Variants in ALK observed in about 807,000 individuals in gnomAD.
The protein encoded by ALK is ALK receptor tyrosine kinase.
Under a neutral mutation model 163.1 loss-of-function variants are expected in ALK, and 74 were observed. The ratio of observed to expected loss-of-function variants is 0.45; its 90% confidence interval spans 0.38 to 0.55. The LOEUF (loss-of-function observed/expected upper bound fraction) is 0.55. ALK is among the 20% of genes least tolerant of loss of function. The probability of loss-of-function intolerance (pLI) is 0.00; values close to 1 mark genes in which losing one functional copy is unlikely to be tolerated. For missense variants in ALK, 2,063 were observed against 2,105.3 expected (o/e 0.98, Z 0.39); for synonymous variants, 960 against 843.2 (o/e 1.14, Z -2.40).
At chr2:29,628,809 T>C (rs1194660189) in intron 3 of ALK, among the ~76,000 whole-genome samples, 2 of 152,246 alleles carry the variant, frequency 1.3e-5, no homozygotes, top group Middle Eastern at 3.4e-3. Flanking sequence ...TATTCAAAGA[T>C]AGACAACTCT....
Position 29,920,802 on chromosome 2 carries a change from G to T in ALK, c.-143C>A, listed in dbSNP as rs1234027838. ...TCCAGAGGACTGTGCGTGCGCGCAA[G>T]TCTCTTGCTTTCCCCCAACTGCACG... On this transcript the variant is annotated 5_prime_UTR_variant, in exon 1 of 29. Transcript: ENST00000389048. 29 of 738,378 alleles carry T rather than the reference G, an allele frequency of 3.9e-5. No homozygotes were observed. Among genetic ancestry groups the T allele is most frequent in the Non-Finnish European group, 5.0e-5 (23 of 458,530 alleles). 45.7% of individuals were successfully genotyped at this position (738,378 alleles called of 1,614,324 possible). A position where few individuals can be genotyped will look rare whatever the true frequency, so the allele number is the denominator to read the frequency against.
intron 1 of ALK, among the ~76,000 whole-genome samples, chr2:29,794,772 A>G (rs537859960): frequency 2.6e-5 from 4 of 152,302 alleles, no homozygotes; most frequent in East Asian, 1.9e-4. Flanking sequence ...TGGCATCCCA[A>G]TGCAATTAGA....
intron 1 of ALK, among the ~76,000 whole-genome samples, chr2:29,822,137 TC>T (rs1665064937): frequency 6.6e-6 from 1 of 152,166 alleles, no homozygotes; most frequent in Non-Finnish European, 1.5e-5. Flanking sequence ...TAAAATCAGC[TC>T]CCAAGTCCCA....
chr2:29,318,457 C>G (rs2148248451), intron 7 of ALK, 53 bp from the exon 8 acceptor site: 1 of 1,259,518 alleles, frequency 7.9e-7, no homozygotes, highest in South Asian at 1.2e-5. Context: ...ACTGGGGGAC[C>G]AGGGGTGCAG....
intron 4 of ALK, among the ~76,000 whole-genome samples, chr2:29,389,212 A>G (rs760474529): frequency 6.0e-4 from 91 of 152,352 alleles, no homozygotes; most frequent in Admixed American, 1.0e-3. Flanking sequence ...GAATAAACAT[A>G]GGTACCAAGA....
chr2:29,696,858 T>A (rs1171201087), intron 2 of ALK, among the ~76,000 whole-genome samples: 1 of 151,358 alleles, frequency 6.6e-6, no homozygotes, highest in Non-Finnish European at 1.5e-5. Context: ...GGAGAAGCTG[T>A]CTTTAGAGCA....
intron 3 of ALK, among the ~76,000 whole-genome samples, chr2:29,601,916 A>AGAGAGCCCCAGGCATGCCTCTGAG (rs1468028848): frequency 1.1e-4 from 17 of 152,178 alleles, no homozygotes; most frequent in African/African-American, 3.4e-4. Context: ...GGACAGAGAT[A>AGAGAGCCCCAGGCATGCCTCTGAG]GAGAGCCCCA....
chr2:29,209,694 G>C (rs1045653377), intron 25 of ALK, 92 bp downstream of exon 25: 22 of 894,986 alleles, frequency 2.5e-5, no homozygotes, highest in Non-Finnish European at 3.8e-5. Context: ...AGGGTACCAG[G>C]AGATGATGTA....
Position 29,633,252 on chromosome 2 carries a change from A to G in ALK, c.952+61598T>C, listed in dbSNP as rs1008233216. ...TAGTCATAACAGTGATCATGTCAAA[A>G]TAATCTTTAGAACATGCTGAAAAGG... On this transcript the variant is annotated intron_variant, in intron 3 of 28. Coordinates refer to ENST00000389048, the MANE Select transcript of ALK (RefSeq NM_004304.5). 1.1e-4 allele frequency among the ~76,000 whole-genome samples: 16 copies of G among 152,270 alleles called. 1 individual carries two copies. Among genetic ancestry groups the G allele is most frequent in the Admixed American group, 1.0e-3 (16 of 15,300 alleles).
At chr2:29,397,535 C>A (rs1234393820) in intron 4 of ALK, among the ~76,000 whole-genome samples, 4 of 152,228 alleles carry the variant, frequency 2.6e-5, no homozygotes, top group Admixed American at 2.6e-4. Flanking sequence ...ACAGGTCGAT[C>A]ATTCAAAACC....
intron 11 of ALK, among the ~76,000 whole-genome samples, chr2:29,257,452 A>G (rs1468385352): frequency 3.3e-5 from 5 of 152,174 alleles, no homozygotes; most frequent in Admixed American, 2.6e-4. Flanking sequence ...CAAATCAATT[A>G]GTAATAAACA....
intron 3 of ALK, among the ~76,000 whole-genome samples, chr2:29,596,738 G>A (rs918527481): frequency 7.9e-5 from 12 of 152,184 alleles, no homozygotes; most frequent in African/African-American, 2.9e-4. Flanking sequence ...CAAGAGCGTT[G>A]GCATGGTGGC....
At chr2:29,427,666 A>C (rs2148071788) in intron 4 of ALK, among the ~76,000 whole-genome samples, 1 of 152,230 alleles carries the variant, frequency 6.6e-6, no homozygotes, top group East Asian at 1.9e-4. Context: ...ACATATAGAA[A>C]AAAATGAGAT....
chr2:29,843,015 GT>G (rs1335396088), intron 1 of ALK, among the ~76,000 whole-genome samples: 1 of 152,212 alleles, frequency 6.6e-6, no homozygotes, highest in Non-Finnish European at 1.5e-5. Context: ...GTGAGGTGAG[GT>G]TCTCCCCACT....
chr2:29,741,721 C>A (rs1680064800), intron 1 of ALK, among the ~76,000 whole-genome samples: 1 of 152,148 alleles, frequency 6.6e-6, no homozygotes, highest in African/African-American at 2.4e-5. Context: ...TGTGATGGTT[C>A]TTCCAAGACA....
chr2:29,700,630 G>A (rs1159619813), intron 2 of ALK, among the ~76,000 whole-genome samples: 8 of 151,796 alleles, frequency 5.3e-5, no homozygotes, highest in African/African-American at 9.7e-5. Flanking sequence ...ACACCTGCAT[G>A]TGTGTGTGTG....
chr2:29,768,003 C>T (rs1046264048), intron 1 of ALK, among the ~76,000 whole-genome samples: 2 of 152,346 alleles, frequency 1.3e-5, no homozygotes, highest in East Asian at 3.9e-4. Context: ...GTGCCTAGAA[C>T]AGTCTTTGCT....
intron 12 of ALK, among the ~76,000 whole-genome samples, chr2:29,247,346 A>T (rs1367952451): frequency 6.6e-6 from 1 of 152,240 alleles, no homozygotes; most frequent in East Asian, 1.9e-4. Flanking sequence ...ATTGGTGCTT[A>T]CTATGGGTCA....
chr2:29,494,843 CGTGTGTGTGTGTGTGTGTGTGTGT>C (rs35306598), intron 4 of ALK, among the ~76,000 whole-genome samples: 2 of 147,212 alleles, frequency 1.4e-5, no homozygotes, highest in Non-Finnish European at 3.0e-5. Flanking sequence ...TTTAGAGACT[CGTGTGTGTGTGTGTGTGTGTGTGT>C]GTGTGTGTGC....
Sources: allele counts gnomAD v4.1 joint callset (sites outside exome capture counted in the v4.1 genomes callset), GRCh38; gene constraint gnomAD v4.1.1; transcripts MANE v1.5; gene names NCBI Gene and HGNC (gene_info 2026-07-23, HGNC 2026-07-21).